NRXN3: variants seen among roughly 807,000 people sequenced by gnomAD.
The protein encoded by NRXN3 is neurexin 3, also known as neurexin III.
A neutral mutation model predicts 137.6 loss-of-function variants in NRXN3; 32 were observed. The ratio of observed to expected loss-of-function variants is 0.23; its 90% CI spans 0.18 to 0.31. The LOEUF (loss-of-function observed/expected upper bound fraction) is 0.31, where lower values mean the gene tolerates loss of function less well. Ranked by LOEUF, NRXN3 falls within the 10% of genes least tolerant of loss-of-function variation. NRXN3 has a pLI of 1.00. For synonymous variants in NRXN3, 798 were observed against 784.5 expected (o/e 1.02, Z -0.29); for missense variants, 1,574 against 2,062.5 (o/e 0.76, Z 4.59).
chr14:78,237,846 C>T (rs1176007667), intron 1 of NRXN3, among the ~76,000 whole-genome samples: 2 of 152,310 alleles, frequency 1.3e-5, no homozygotes, highest in Middle Eastern at 3.4e-3. Flanking sequence ...TTTTCCAGTC[C>T]TGGTGAGGGC....
chr14:78,417,529 T>A (rs2093208903), intron 4 of NRXN3, among the ~76,000 whole-genome samples: 1 of 152,196 alleles, frequency 6.6e-6, no homozygotes, highest in Non-Finnish European at 1.5e-5. Flanking sequence ...TACTACTAGA[T>A]GGACTGTGAG....
intron 10 of NRXN3, among the ~76,000 whole-genome samples, chr14:78,889,038 A>G (rs1306190327): frequency 1.3e-5 from 2 of 151,836 alleles, no homozygotes; most frequent in Non-Finnish European, 2.9e-5. Flanking sequence ...ATGGAATCTC[A>G]TCTGAGAAAA....
At chr14:79,481,705 A>G (rs551921094) in intron 16 of NRXN3, among the ~76,000 whole-genome samples, 2 of 152,338 alleles carry the variant, frequency 1.3e-5, no homozygotes, top group South Asian at 4.1e-4. Context: ...AGTTTAATAC[A>G]TGTAGAGCTG....
chr14:78,544,682 C>G (rs1402008354), intron 4 of NRXN3, among the ~76,000 whole-genome samples: 1 of 152,206 alleles, frequency 6.6e-6, no homozygotes, highest in Non-Finnish European at 1.5e-5. Context: ...TTACTTCAAA[C>G]TTGTTCACAT....
At chr14:78,205,888 A>C (rs945285687) in intron 1 of NRXN3, among the ~76,000 whole-genome samples, 1 of 152,184 alleles carries the variant, frequency 6.6e-6, no homozygotes, top group Admixed American at 6.5e-5. Context: ...GAATGCAAGG[A>C]GATAAGTGAG....
intron 1 of NRXN3, among the ~76,000 whole-genome samples, chr14:78,238,166 C>G (rs1236586937): frequency 6.6e-6 from 1 of 151,902 alleles, no homozygotes; most frequent in Admixed American, 6.6e-5. Context: ...ACCCTGCCCC[C>G]TCCTAAGCAG....
intron 4 of NRXN3, among the ~76,000 whole-genome samples, chr14:78,579,159 C>T (rs1045530623): frequency 5.3e-5 from 8 of 152,126 alleles, no homozygotes; most frequent in African/African-American, 1.9e-4. Context: ...CCCACACGTA[C>T]CCAGACACAT....
At chr14:79,475,581 A>C (rs959890451) in intron 16 of NRXN3, among the ~76,000 whole-genome samples, 1 of 152,110 alleles carries the variant, frequency 6.6e-6, no homozygotes, top group African/African-American at 2.4e-5. Flanking sequence ...CGACAATTAC[A>C]AAAACAAGAA....
chr14:78,429,751 C>T (rs2093803906), intron 4 of NRXN3, among the ~76,000 whole-genome samples: 1 of 152,270 alleles, frequency 6.6e-6, no homozygotes, highest in East Asian at 1.9e-4. Flanking sequence ...GGCACAACAC[C>T]CCAGAGATGT....
At chr14:78,304,772 G>A (rs2077197326) in intron 4 of NRXN3, among the ~76,000 whole-genome samples, 1 of 152,162 alleles carries the variant, frequency 6.6e-6, no homozygotes, top group Non-Finnish European at 1.5e-5. Context: ...ATAGGTCATG[G>A]TGGGAATCAT....
intron 16 of NRXN3, among the ~76,000 whole-genome samples, chr14:79,652,418 G>A (rs2153973667): frequency 6.6e-6 from 1 of 151,860 alleles, no homozygotes; most frequent in East Asian, 1.9e-4. Flanking sequence ...TGTATCTGAA[G>A]CTCTGACCGG....
chr14:78,907,569 G>C (rs991081569), intron 10 of NRXN3, among the ~76,000 whole-genome samples: 1 of 151,980 alleles, frequency 6.6e-6, no homozygotes, highest in Admixed American at 6.6e-5. Flanking sequence ...TTTCCAGTTA[G>C]TATATTTAAG....
intron 9 of NRXN3, among the ~76,000 whole-genome samples, chr14:78,808,034 C>T (rs1455857230): frequency 6.6e-6 from 1 of 151,900 alleles, no homozygotes; most frequent in Non-Finnish European, 1.5e-5. Context: ...TCTATATACA[C>T]ACGCACACAC....
At chr14:79,120,879 G>T (rs1490880512) in intron 15 of NRXN3, among the ~76,000 whole-genome samples, 1 of 152,036 alleles carries the variant, frequency 6.6e-6, no homozygotes, top group East Asian at 1.9e-4. Flanking sequence ...GAGATATTTT[G>T]CTTTTTGTGT....
At chr14:78,770,360 A>G (rs2098723173) in intron 8 of NRXN3, among the ~76,000 whole-genome samples, 1 of 152,194 alleles carries the variant, frequency 6.6e-6, no homozygotes, top group Non-Finnish European at 1.5e-5. Context: ...GGGCTTAGCC[A>G]TGATTCCTTT....
At chr14:79,859,776 C>A (rs1281410053) in intron 20 of NRXN3, among the ~76,000 whole-genome samples, 1 of 152,146 alleles carries the variant, frequency 6.6e-6, no homozygotes, top group East Asian at 1.9e-4. Flanking sequence ...CAGAAAGAGG[C>A]CTTCAACAAT....
At chr14:79,681,744 T>A (rs989751841) in intron 17 of NRXN3, among the ~76,000 whole-genome samples, 3 of 120,028 alleles carry the variant, frequency 2.5e-5, no homozygotes, top group Non-Finnish European at 5.1e-5. Context: ...ATTGTAGCTA[T>A]TTTTTTTTTT....
chr14:78,724,319 G>A (rs2152877906), intron 8 of NRXN3, among the ~76,000 whole-genome samples: 1 of 152,328 alleles, frequency 6.6e-6, no homozygotes, highest in Non-Finnish European at 1.5e-5. Context: ...ACCAAGGACT[G>A]TTAAGAGGAA....
rs76957836 is a variant in NRXN3 at position 79,275,895 on chromosome 14, G to A, written c.3263-191326G>A. Among the ~76,000 whole-genome samples the A allele has an allele frequency of 8.2e-3, 1,253 of 152,280 alleles. 11 individuals are homozygous for A. The highest frequency in any genetic ancestry group is 0.012 in the Non-Finnish European group (815 of 68,032). On this transcript the variant is annotated intron_variant, in intron 15 of 20. Coordinates refer to ENST00000335750, the MANE Select transcript of NRXN3 (RefSeq NM_001330195.2). The stretch of plus-strand genomic sequence containing the variant: ...GGGGTTTATTCAAGTGGAGCTAAGC[G>A]TGGTTGTTCCTGTGAAATTATTTAT...
Sources: allele counts gnomAD v4.1 joint callset (sites outside exome capture counted in the v4.1 genomes callset), GRCh38; gene constraint gnomAD v4.1.1; transcripts MANE v1.5; gene names NCBI Gene and HGNC (gene_info 2026-07-23, HGNC 2026-07-21).